WWC1: variants seen among roughly 807,000 people sequenced by gnomAD.
The protein encoded by WWC1 is protein KIBRA.
A neutral mutation model predicts 138.4 loss-of-function variants in WWC1; 55 were observed. The observed-to-expected ratio is 0.40, with a 90% CI of 0.32 to 0.50. The LOEUF is 0.50. WWC1 is among the 20% of genes least tolerant of loss of function. The pLI is 0.72. For missense variants in WWC1, 1,226 were observed against 1,420.4 expected, an observed-to-expected ratio of 0.86 and a Z score of 2.20; for synonymous variants, 524 against 564.9, an observed-to-expected ratio of 0.93 and a Z score of 1.03.
intron 1 of WWC1, among the ~76,000 whole-genome samples, chr5:168,336,976 T>C (rs1773530044): frequency 6.6e-6 from 1 of 152,180 alleles, no homozygotes; most frequent in Non-Finnish European, 1.5e-5. Flanking sequence ...ATATTACGAA[T>C]CTTGATTGCA....
chr5:168,428,138 A>G lies in WWC1; in HGVS notation c.1916A>G (p.Gln639Arg). The G allele has an allele frequency of 6.2e-7, 1 of 1,612,768 alleles. No individual in the cohort carries two copies. The highest frequency in any genetic ancestry group is 8.5e-7 in the Non-Finnish European group (1 of 1,179,194). Residue 639 changes from glutamine to arginine, a missense_variant, in exon 12 of 23, where the codon CAG becomes CGG. Physicochemically the swap from Gln to Arg is conservative, Grantham distance 43 (BLOSUM62 1). Coordinates refer to ENST00000265293, the MANE Select transcript of WWC1 (RefSeq NM_015238.3). ...GDSGVYEASV[Q>R]RLGASEAAAF... Reference sequence around the variant, plus strand: ...AGTGGTGTGTACGAGGCTTCCGTGCAGAGGTAGGTGTCTGGGTGCTGGCTC... The same window carrying G: ...AGTGGTGTGTACGAGGCTTCCGTGCGGAGGTAGGTGTCTGGGTGCTGGCTC...
rs760081344 is a variant in WWC1 at position 168,424,005 on chromosome 5, A to C, written c.1747A>C (p.Asn583His). 6.2e-7 allele frequency: 1 copy of C among 1,613,826 alleles called. No individual in the cohort carries two copies. Among genetic ancestry groups the C allele is most frequent in the South Asian group, 1.1e-5 (1 of 91,028 alleles). ...CACTCTTTGTGAACTGAGCCTTGGT[A>C]ACAGCGCCCAGGAAAGATACCGGCT... ...SATLCELSLGNSAQERYRLEE... is the reference protein window; with the variant it reads ...SATLCELSLGHSAQERYRLEE... Residue 583 changes from asparagine to histidine, a missense_variant, in exon 11 of 23, where the codon AAC becomes CAC. Asn to His is a moderately conservative substitution (Grantham distance 68). Transcript: ENST00000265293.
chr5:168,462,104 A>G (rs924702939), intron 20 of WWC1, among the ~76,000 whole-genome samples: 2 of 151,884 alleles, frequency 1.3e-5, no homozygotes, highest in African/African-American at 2.4e-5. Flanking sequence ...GCAAAAGAGA[A>G]CATGGATGGA....
At chr5:168,300,999 GTTTGTC>G (rs1436151175) in intron 1 of WWC1, among the ~76,000 whole-genome samples, 4 of 152,200 alleles carry the variant, frequency 2.6e-5, no homozygotes, top group Admixed American at 2.0e-4. Flanking sequence ...TAAGTGCATT[GTTTGTC>G]TTTGTATCAC....
intron 8 of WWC1, chr5:168,410,276 T>C (rs955943437): frequency 2.6e-6 from 1 of 377,800 alleles, no homozygotes; most frequent in African/African-American, 2.0e-5. Flanking sequence ...TGTCTTGATT[T>C]CTGCAACCGA....
chr5:168,335,072 T>C (rs566163158), intron 1 of WWC1, among the ~76,000 whole-genome samples: 1 of 152,306 alleles, frequency 6.6e-6, no homozygotes, highest in Non-Finnish European at 1.5e-5. Context: ...GGTGCAATCA[T>C]GCAACACATT....
intron 6 of WWC1, among the ~76,000 whole-genome samples, chr5:168,406,652 G>A (rs908341007): frequency 6.6e-6 from 1 of 151,996 alleles, no homozygotes; most frequent in Non-Finnish European, 1.5e-5. Flanking sequence ...TTTTTAATAG[G>A]GAGAGTCGGC....
In WWC1 at chr5:168,414,453, G is replaced by A. The variant is rs200142990; in HGVS notation, c.1047G>A (p.Glu349=). ...TGATCCTTATCAACGAGAAGGAGGA[G>A]CTGCTGAAGGAGATGCGCTTCATCA... is the stretch of plus-strand genomic sequence containing the variant. ...DRLILINEKE[E]LLKEMRFISP... Residue 349 remains glutamate, a synonymous_variant, in exon 9 of 23, where the codon GAG becomes GAA. Coordinates refer to ENST00000265293, the MANE Select transcript of WWC1 (RefSeq NM_015238.3). 6.3e-7 allele frequency: 1 copy of A among 1,578,030 alleles called. No individual in the cohort carries two copies. Among genetic ancestry groups the A allele is most frequent in the African/African-American group, 1.3e-5 (1 of 74,336 alleles).
In WWC1 at chr5:168,357,483, TGTGTGTGTGTGCGC is replaced by T. The variant is rs1194744219; in HGVS notation, c.120-13939_120-13926del. On this transcript the variant is annotated intron_variant, in intron 1 of 22. Transcript: ENST00000265293. Reference sequence around the variant, plus strand: ...GTGTGTGTGTGTGTGTGTGTGTGTGTGTGTGTGTGTGCGCGCGCGCACGCATGCACGTGCGTGCA... The same window carrying T: ...GTGTGTGTGTGTGTGTGTGTGTGTGTGCGCGCACGCATGCACGTGCGTGCA... Among the ~76,000 whole-genome samples, 4 of 79,162 alleles carry T rather than the reference TGTGTGTGTGTGCGC, an allele frequency of 5.1e-5. No homozygotes were observed. In the East Asian group the frequency reaches 1.5e-3, roughly 31 times the overall value. 51.9% of individuals were successfully genotyped at this position (79,162 alleles called of 152,430 possible).
chr5:168,309,339 A>T (rs950897470), intron 1 of WWC1, among the ~76,000 whole-genome samples: 1 of 152,182 alleles, frequency 6.6e-6, no homozygotes, highest in Non-Finnish European at 1.5e-5. Context: ...AATTGAATCC[A>T]GTCCTGGTCT....
intron 1 of WWC1, among the ~76,000 whole-genome samples, chr5:168,335,374 T>C (rs1773371223): frequency 6.6e-6 from 1 of 152,162 alleles, no homozygotes; most frequent in African/African-American, 2.4e-5. Context: ...TAATCCTAGC[T>C]CTTAGGGAGG....
intron 2 of WWC1, among the ~76,000 whole-genome samples, chr5:168,382,616 TCCACAGCTGCTGATGGGAGATGGGAAC>T (rs908348763): frequency 1.3e-5 from 2 of 152,146 alleles, no homozygotes; most frequent in African/African-American, 4.8e-5. Flanking sequence ...GCCAAGGGAA[TCCACAGCTGCTGATGGGAGATGGGAAC>T]CCACAGCAGC....
At chr5:168,338,265 C>A (rs977077080) in intron 1 of WWC1, among the ~76,000 whole-genome samples, 26 of 150,174 alleles carry the variant, frequency 1.7e-4, no homozygotes, top group Non-Finnish European at 1.5e-5. Flanking sequence ...GAGCCGAGAT[C>A]GCGCCACTGC....
At chr5:168,356,532 G>A (rs1433001149) in intron 1 of WWC1, among the ~76,000 whole-genome samples, 3 of 152,246 alleles carry the variant, frequency 2.0e-5, no homozygotes, top group Non-Finnish European at 4.4e-5. Flanking sequence ...TCTGATCTGG[G>A]AATCGAATGT....
chr5:168,338,932 C>A (rs975539058), intron 1 of WWC1, among the ~76,000 whole-genome samples: 1 of 152,134 alleles, frequency 6.6e-6, no homozygotes, highest in Non-Finnish European at 1.5e-5. Context: ...TATAGTTAAC[C>A]ATATTAATAT....
At chr5:168,309,261 G>C (rs12519918) in intron 1 of WWC1, among the ~76,000 whole-genome samples, 19,335 of 152,102 alleles carry the variant, frequency 0.13, 1,616 homozygotes, top group Non-Finnish European at 0.17. Flanking sequence ...TGAAGCCTCC[G>C]GTGCCCATTT....
At chr5:168,359,758 A>C (rs183108372) in intron 1 of WWC1, among the ~76,000 whole-genome samples, 1 of 152,342 alleles carries the variant, frequency 6.6e-6, no homozygotes, top group Admixed American at 6.5e-5. Flanking sequence ...AGAAAAATAA[A>C]ACTCTGGTAT....
intron 16 of WWC1, among the ~76,000 whole-genome samples, chr5:168,443,065 G>A (rs1018296225): frequency 1.9e-5 from 2 of 105,568 alleles, no homozygotes; most frequent in African/African-American, 4.6e-5. Context: ...ATGGGATCCC[G>A]ACCACATCAA....
intron 2 of WWC1, among the ~76,000 whole-genome samples, chr5:168,375,441 TGACC>T (rs934907262): frequency 1.3e-5 from 2 of 152,164 alleles, no homozygotes; most frequent in African/African-American, 4.8e-5. Flanking sequence ...GCAACCTGGG[TGACC>T]TGACTTTGGA....
Sources: allele counts gnomAD v4.1 joint callset (sites outside exome capture counted in the v4.1 genomes callset), GRCh38; gene constraint gnomAD v4.1.1; transcripts MANE v1.5; gene names NCBI Gene and HGNC (gene_info 2026-07-23, HGNC 2026-07-21).